Variants in DNAH11 observed in about 807,000 individuals in gnomAD.
The protein encoded by DNAH11 is axonemal beta dynein heavy chain 11.
DNAH11 carries 442 observed loss-of-function variants against 526.0 expected under a neutral mutation model. The ratio of observed to expected loss-of-function variants is 0.84; its 90% CI spans 0.78 to 0.91. The LOEUF is 0.91. Among genes scored for constraint, DNAH11 ranks in the 40% least tolerant of loss-of-function variants. The pLI, the probability that DNAH11 is intolerant of heterozygous loss-of-function variation, is 0.00. For missense variants in DNAH11, 6,989 were observed against 5,448.7 expected, an observed-to-expected ratio of 1.28 and a Z score of -8.90; for synonymous variants, 2,461 against 1,935.9, an observed-to-expected ratio of 1.27 and a Z score of -7.12.
intron 54 of DNAH11, among the ~76,000 whole-genome samples, chr7:21,758,259 A>G (rs1786723754): frequency 6.6e-6 from 1 of 152,246 alleles, no homozygotes; most frequent in Non-Finnish European, 1.5e-5. Context: ...AGTAGAATGA[A>G]AAGAACTTTA....
At chr7:21,683,140 G>GCTGAAAC (rs1363694735) in intron 31 of DNAH11, among the ~76,000 whole-genome samples, 10 of 152,132 alleles carry the variant, frequency 6.6e-5, no homozygotes, top group African/African-American at 2.4e-4. Context: ...AATATGCAAT[G>GCTGAAAC]CTGAAACCTG....
chr7:21,763,989 A>G (rs550364973), intron 54 of DNAH11, among the ~76,000 whole-genome samples: 32 of 152,120 alleles, frequency 2.1e-4, no homozygotes, highest in African/African-American at 7.2e-4. Flanking sequence ...AGAGTAGTCA[A>G]ACTCCTAGAA....
rs748428041 is a variant in DNAH11 at position 21,842,614 on chromosome 7, G to C, written c.10762G>C (p.Ala3588Pro). 2.5e-6 allele frequency: 4 copies of C among 1,613,880 alleles called. No homozygotes were observed. The South Asian group carries it at 4.4e-5, about 18-fold the overall frequency. ...TCGCCTTATCCTTCACACAAAATTG[G>C]CAAATCCTCACTATAAGCCGGAATT... ...NFRLILHTKL[A>P]NPHYKPELQA... The change falls in exon 66 of 82, where the codon GCA becomes CCA. Residue 3588 changes from alanine (A) to proline (P), a missense_variant. Transcript: ENST00000409508.
intron 25 of DNAH11, among the ~76,000 whole-genome samples, chr7:21,633,526 T>A (rs894066124): frequency 3.9e-5 from 6 of 152,260 alleles, no homozygotes; most frequent in Non-Finnish European, 8.8e-5. Flanking sequence ...TCACATTTTT[T>A]AAATTTTAAA....
chr7:21,627,272 C>T (rs975189424), intron 25 of DNAH11, among the ~76,000 whole-genome samples: 3 of 152,080 alleles, frequency 2.0e-5, no homozygotes, highest in Non-Finnish European at 2.9e-5. Flanking sequence ...AGCATTTTGT[C>T]TTGGCATGAT....
intron 47 of DNAH11, 25 bp downstream of exon 47, chr7:21,738,891 C>T: frequency 6.5e-7 from 1 of 1,527,492 alleles, no homozygotes; most frequent in Non-Finnish European, 8.8e-7. Context: ...GTAGTTTACT[C>T]TCTCCCAAAA....
At chr7:21,797,554 A>G (rs1482111276) in intron 61 of DNAH11, among the ~76,000 whole-genome samples, 1 of 152,274 alleles carries the variant, frequency 6.6e-6, no homozygotes, top group South Asian at 2.1e-4. Context: ...TACAGTTTAC[A>G]TATTTATGTT....
rs560776294 is a variant in DNAH11 at position 21,873,527 on chromosome 7, G to A, written c.12195+26G>A. On this transcript the variant is annotated intron_variant, in intron 74 of 81. Coordinates refer to ENST00000409508, the MANE Select transcript of DNAH11 (RefSeq NM_001277115.2). Reference sequence around the variant, plus strand: ...GTAAGAAAGCGAAGCAGGCTAGGCAGACAATGAAGTCAGAGTCATCTCACA... The same window carrying A: ...GTAAGAAAGCGAAGCAGGCTAGGCAAACAATGAAGTCAGAGTCATCTCACA... 7.4e-5 allele frequency: 119 copies of A among 1,607,512 alleles called. No individual in the cohort carries two copies. In the East Asian group the frequency reaches 2.5e-3, roughly 34 times the overall value.
Position 21,738,783 on chromosome 7 carries a change from C to T in DNAH11, c.7728C>T (p.Asp2576=), listed in dbSNP as rs368846569. 1.5e-5 allele frequency: 24 copies of T among 1,597,760 alleles called. No individual in the cohort carries two copies. The highest frequency in any genetic ancestry group is 3.4e-5 in the Admixed American group (2 of 58,300). ...ATAAAAAATTGATTTATTTTATCGACGACATGAACATGCCTGAAGTGGACT... is the reference window on the plus strand; with the variant it reads ...ATAAAAAATTGATTTATTTTATCGATGACATGAACATGCCTGAAGTGGACT... ...GGNKKLIYFI[D]DMNMPEVDLY... is the part of the protein sequence containing the mutation. Residue 2576 remains aspartate, a synonymous_variant, in exon 47 of 82, where the codon GAC becomes GAT. Coordinates refer to ENST00000409508, the MANE Select transcript of DNAH11 (RefSeq NM_001277115.2).
At chr7:21,707,172 C>T (rs977925475) in intron 39 of DNAH11, among the ~76,000 whole-genome samples, 2 of 152,188 alleles carry the variant, frequency 1.3e-5, no homozygotes, top group Admixed American at 6.5e-5. Flanking sequence ...GTCTCTAGGT[C>T]TCAAAGCATG....
intron 14 of DNAH11, among the ~76,000 whole-genome samples, chr7:21,597,310 A>C (rs1460183928): frequency 2.0e-5 from 3 of 152,140 alleles, no homozygotes; most frequent in Non-Finnish European, 4.4e-5. Flanking sequence ...CTACTCTGGG[A>C]GGTCAAGAGG....
intron 51 of DNAH11, among the ~76,000 whole-genome samples, chr7:21,745,929 C>G (rs938882977): frequency 2.0e-5 from 3 of 152,092 alleles, no homozygotes; most frequent in African/African-American, 4.8e-5. Flanking sequence ...GCATCTGACC[C>G]TAAGGCAAGA....
chr7:21,731,474 C>T (rs541042857), intron 45 of DNAH11, among the ~76,000 whole-genome samples: 1 of 152,232 alleles, frequency 6.6e-6, no homozygotes, highest in Non-Finnish European at 1.5e-5. Flanking sequence ...AGAAAAATTA[C>T]CTAGACCTAG....
chr7:21,776,096 A>G (rs2127980729), intron 56 of DNAH11, among the ~76,000 whole-genome samples: 1 of 152,246 alleles, frequency 6.6e-6, no homozygotes, highest in East Asian at 1.9e-4. Flanking sequence ...TTACACATTG[A>G]TGAGTCAGGG....
chr7:21,687,139 A>G lies in DNAH11; in HGVS notation c.5662A>G (p.Ser1888Gly). ...AACTCAATCACTTCATCTAACCATG[A>G]GTGGGGCTCCTGCTGGCCCAGCTGG... ...TLTQSLHLTM[S>G]GAPAGPAGTG... The change falls in exon 33 of 82, where the codon AGT becomes GGT. Residue 1888 changes from serine (S) to glycine (G), a missense_variant. Coordinates refer to ENST00000409508, the MANE Select transcript of DNAH11 (RefSeq NM_001277115.2). 6.2e-7 allele frequency: 1 copy of G among 1,613,506 alleles called. No individual in the cohort carries two copies. Among genetic ancestry groups the G allele is most frequent in the Non-Finnish European group, 8.5e-7 (1 of 1,179,700 alleles).
intron 25 of DNAH11, among the ~76,000 whole-genome samples, chr7:21,626,774 C>T (rs576721612): frequency 1.1e-4 from 9 of 84,700 alleles, no homozygotes; most frequent in Non-Finnish European, 1.6e-4. Flanking sequence ...TTTTTTGAGG[C>T]GGAGTCTCAT....
chr7:21,679,484 G>A (rs1469043529), intron 30 of DNAH11, among the ~76,000 whole-genome samples: 1 of 152,172 alleles, frequency 6.6e-6, no homozygotes, highest in African/African-American at 2.4e-5. Flanking sequence ...ATATCACGTT[G>A]TATACCTTAA....
intron 70 of DNAH11, 107 bp downstream of exon 70, chr7:21,864,764 C>T (rs1783208978): frequency 2.7e-6 from 3 of 1,118,280 alleles, no homozygotes; most frequent in Admixed American, 2.8e-5. Context: ...TATTAAGCAC[C>T]ATTTCAGTTG....
At chr7:21,628,479 G>T (rs370557409) in intron 25 of DNAH11, among the ~76,000 whole-genome samples, 1 of 152,048 alleles carries the variant, frequency 6.6e-6, no homozygotes, top group Non-Finnish European at 1.5e-5. Context: ...TGCCAATTTT[G>T]ATGAGGGTTT....
Sources: allele counts gnomAD v4.1 joint callset (sites outside exome capture counted in the v4.1 genomes callset), GRCh38; gene constraint gnomAD v4.1.1; transcripts MANE v1.5; gene names NCBI Gene and HGNC (gene_info 2026-07-23, HGNC 2026-07-21).